KIF1B: variants seen among roughly 807,000 people sequenced by gnomAD.
KIF1B encodes the protein kinesin family member 1B.
In KIF1B, 76 loss-of-function variants were observed where a neutral mutation model predicts 241.9. The observed-to-expected ratio is 0.31, with a 90% CI of 0.26 to 0.38. The LOEUF is 0.38. KIF1B is among the 10% of genes least tolerant of loss of function. The pLI is 1.00. For synonymous variants in KIF1B, 750 were observed against 796.7 expected (o/e 0.94, Z 0.99); for missense variants, 1,622 against 2,271.4 (o/e 0.71, Z 5.81).
At chr1:10,238,241 T>G (rs1002906507) in intron 2 of KIF1B, among the ~76,000 whole-genome samples, 11 of 147,946 alleles carry the variant, frequency 7.4e-5, no homozygotes, top group African/African-American at 2.8e-4. Context: ...ATTAGCCAGG[T>G]GTGGTGGTGG....
chr1:10,224,278 G>A (rs1024205106), intron 1 of KIF1B, among the ~76,000 whole-genome samples: 1 of 152,078 alleles, frequency 6.6e-6, no homozygotes, highest in South Asian at 2.1e-4. Context: ...CACCACGCCT[G>A]GCTAATTTTT....
chr1:10,235,146 T>C (rs1342760164), intron 2 of KIF1B, among the ~76,000 whole-genome samples: 2 of 152,092 alleles, frequency 1.3e-5, no homozygotes, highest in Non-Finnish European at 2.9e-5. Context: ...TGCCTCAGCC[T>C]CCCAAAGTGC....
intron 37 of KIF1B, among the ~76,000 whole-genome samples, chr1:10,351,805 A>T (rs528959569): frequency 2.0e-5 from 3 of 152,112 alleles, no homozygotes; most frequent in Non-Finnish European, 2.9e-5. Flanking sequence ...GTCTCTACAA[A>T]AAAATAAAAT....
At chr1:10,286,295 C>A (rs1385771794) in intron 15 of KIF1B, among the ~76,000 whole-genome samples, 1 of 152,226 alleles carries the variant, frequency 6.6e-6, no homozygotes, top group South Asian at 2.1e-4. Flanking sequence ...CTGCCTCGGC[C>A]TCCCAAAGTG....
chr1:10,226,796 G>A (rs1328106783), intron 1 of KIF1B, among the ~76,000 whole-genome samples: 8 of 151,504 alleles, frequency 5.3e-5, no homozygotes, highest in East Asian at 3.9e-4. Context: ...GCGAAACCCC[G>A]TCCCTACTAA....
intron 6 of KIF1B, among the ~76,000 whole-genome samples, chr1:10,267,883 TAA>T (rs902894132): frequency 6.6e-6 from 1 of 152,126 alleles, no homozygotes; most frequent in Non-Finnish European, 1.5e-5. Flanking sequence ...CAATAAAGAA[TAA>T]AAATTAAATG....
intron 2 of KIF1B, among the ~76,000 whole-genome samples, chr1:10,253,605 T>C (rs1339271097): frequency 6.6e-6 from 1 of 152,170 alleles, no homozygotes; most frequent in African/African-American, 2.4e-5. Flanking sequence ...GTTGTACCAC[T>C]GTACTCCAGT....
intron 20 of KIF1B, 90 bp from the exon 21 acceptor site, chr1:10,296,807 C>G: frequency 1.4e-6 from 2 of 1,380,038 alleles, no homozygotes; most frequent in East Asian, 2.5e-5. Flanking sequence ...TGAAAGCTGT[C>G]TTTTCACATT....
chr1:10,325,688 A>G (rs899756184), intron 26 of KIF1B, among the ~76,000 whole-genome samples: 9 of 152,184 alleles, frequency 5.9e-5, no homozygotes, highest in African/African-American at 2.2e-4. Flanking sequence ...GCTTTGCCAT[A>G]TGCCATTTCA....
rs765542142 is a variant in KIF1B at position 10,249,390 on chromosome 1, TA to T, written c.107-6856del. Among the ~76,000 whole-genome samples the T allele has an allele frequency of 3.3e-5, 5 of 152,160 alleles. No homozygotes were observed. In the South Asian group the frequency reaches 6.2e-4, roughly 19 times the overall value. ...ATTTTATGTATATATTGCACAGCTA[TA>T]CACTGTTTTTCTTTTTATGCTCTTG... On this transcript the variant is annotated intron_variant, in intron 2 of 48. Transcript: ENST00000676179.
chr1:10,227,118 C>T lies in KIF1B; in HGVS notation c.-79-5132C>T, dbSNP rs535699622. On this transcript the variant is annotated intron_variant, in intron 1 of 48. Coordinates refer to ENST00000676179, the MANE Select transcript of KIF1B (RefSeq NM_001365951.3). Reference sequence around the variant, plus strand: ...TGGTGCGATCTCAGCTCACTGCAACCTCTGCCTCCCGGGTTCAAACAATTC... The same window carrying T: ...TGGTGCGATCTCAGCTCACTGCAACTTCTGCCTCCCGGGTTCAAACAATTC... 3.0e-3 allele frequency among the ~76,000 whole-genome samples: 445 copies of T among 150,064 alleles called. 1 individual carries two copies. Among genetic ancestry groups the T allele is most frequent in the Middle Eastern group, 0.01 (3 of 294 alleles).
chr1:10,335,384 A>G (rs1652126523), intron 28 of KIF1B, among the ~76,000 whole-genome samples: 1 of 151,940 alleles, frequency 6.6e-6, no homozygotes. Context: ...TCCCTAGTAA[A>G]TGGGATTACA....
intron 35 of KIF1B, 104 bp downstream of exon 35, chr1:10,346,057 C>A: frequency 2.5e-6 from 2 of 785,452 alleles, no homozygotes; most frequent in South Asian, 1.5e-5. Flanking sequence ...TTGTCACTGT[C>A]AAATTCCAGG....
Position 10,228,540 on chromosome 1 carries a change from C to T in KIF1B, c.-79-3710C>T, listed in dbSNP as rs189494744. On this transcript the variant is annotated intron_variant, in intron 1 of 48. Transcript: ENST00000676179. The stretch of plus-strand genomic sequence containing the variant: ...GGTTAAGCAGTGGTTTAAAGCAGTG[C>T]TTTTTAGCTGGGTATTTGTAACATA... 3.1e-4 allele frequency among the ~76,000 whole-genome samples: 47 copies of T among 152,280 alleles called. No individual in the cohort carries two copies. In the East Asian group the frequency reaches 8.3e-3, roughly 27 times the overall value.
intron 2 of KIF1B, among the ~76,000 whole-genome samples, chr1:10,255,041 C>T (rs966361566): frequency 5.3e-5 from 8 of 151,898 alleles, no homozygotes; most frequent in South Asian, 2.1e-4. Flanking sequence ...CTCTGCCTCC[C>T]GGGTTCAAGT....
chr1:10,258,754 C>A, intron 4 of KIF1B, 82 bp downstream of exon 4: 2 of 1,377,960 alleles, frequency 1.5e-6, no homozygotes, highest in Non-Finnish European at 2.0e-6. Context: ...TTTTATTTGG[C>A]GAACATTTAT....
intron 1 of KIF1B, among the ~76,000 whole-genome samples, chr1:10,230,028 A>T (rs1482134127): frequency 1.3e-5 from 2 of 152,116 alleles, no homozygotes; most frequent in African/African-American, 4.8e-5. Flanking sequence ...ATAAAATATT[A>T]GTTGGGTGTG....
chr1:10,310,058 G>T (rs763543995), intron 22 of KIF1B, among the ~76,000 whole-genome samples: 1 of 151,480 alleles, frequency 6.6e-6, no homozygotes, highest in Non-Finnish European at 1.5e-5. Flanking sequence ...TTTTAATAAT[G>T]ATGGCCTGTA....
At chr1:10,276,183 C>CAA in intron 11 of KIF1B, 138 bp from the exon 12 acceptor site, 10 of 632,426 alleles carry the variant, frequency 1.6e-5, no homozygotes, top group East Asian at 3.2e-5. Flanking sequence ...GACTCCCTCT[C>CAA]AAAAAAAAAA....
Sources: allele counts gnomAD v4.1 joint callset (sites outside exome capture counted in the v4.1 genomes callset), GRCh38; gene constraint gnomAD v4.1.1; transcripts MANE v1.5; gene names NCBI Gene and HGNC (gene_info 2026-07-23, HGNC 2026-07-21).